SPAG16: variants seen among roughly 807,000 people sequenced by gnomAD.
The protein encoded by SPAG16 is sperm associated antigen 16.
Under a neutral mutation model 80.4 loss-of-function variants are expected in SPAG16, and 86 were observed. That is an observed-to-expected ratio of 1.07 (90% CI 0.90 to 1.28). The LOEUF is 1.28. Among genes scored for constraint, SPAG16 ranks in the 50% most tolerant of loss-of-function variants. The pLI is 0.00. For missense variants in SPAG16, 870 were observed against 765.3 expected (o/e 1.14, Z -1.61); for synonymous variants, 294 against 265.9 (o/e 1.11, Z -1.03).
chr2:213,884,624 G>A (rs1320626705), intron 11 of SPAG16, among the ~76,000 whole-genome samples: 1 of 152,064 alleles, frequency 6.6e-6, no homozygotes, highest in Non-Finnish European at 1.5e-5. Flanking sequence ...TCTCTCTCAG[G>A]AATGCCAATG....
intron 10 of SPAG16, among the ~76,000 whole-genome samples, chr2:213,587,787 A>G (rs1394439477): frequency 7.9e-5 from 12 of 152,208 alleles, no homozygotes; most frequent in Admixed American, 7.2e-4. Flanking sequence ...TAGTTCACTC[A>G]CAAGTTCTAC....
chr2:213,333,232 G>C (rs1005834109), intron 5 of SPAG16, among the ~76,000 whole-genome samples: 3 of 152,072 alleles, frequency 2.0e-5, no homozygotes, highest in Middle Eastern at 3.4e-3. Context: ...ATCTGAAAAA[G>C]AAATTAGAAA....
chr2:214,143,001 C>G (rs1263749898), intron 14 of SPAG16, among the ~76,000 whole-genome samples: 2 of 152,088 alleles, frequency 1.3e-5, no homozygotes, highest in Non-Finnish European at 2.9e-5. Context: ...GCATAGTATG[C>G]CTGTCATCCT....
In SPAG16 at chr2:214,177,898, TAC is replaced by T. The variant is rs1223156790; in HGVS notation, c.1720+28634_1720+28635del. Among the ~76,000 whole-genome samples the T allele has an allele frequency of 1.5e-4, 14 of 96,178 alleles. 1 individual carries two copies. Among genetic ancestry groups the T allele is most frequent in the African/African-American group, 7.2e-4 (13 of 18,172 alleles). The allele number at this position is 96,178 out of a possible 152,430, so 63.1% of individuals were successfully genotyped here. A position where few individuals can be genotyped will look rare whatever the true frequency, so the allele number is the denominator to read the frequency against. ...AAGTTAAAAAAGCAGAATATATATA[TAC>T]ATATATATATATATACATATATATA... On this transcript the variant is annotated intron_variant, in intron 15 of 15. Coordinates refer to ENST00000331683, the MANE Select transcript of SPAG16 (RefSeq NM_024532.5).
intron 9 of SPAG16, among the ~76,000 whole-genome samples, chr2:213,462,484 G>A (rs1213827414): frequency 6.6e-6 from 1 of 151,368 alleles, no homozygotes; most frequent in Non-Finnish European, 1.5e-5. Flanking sequence ...ACTAGACTGT[G>A]TCCCTACCCA....
intron 9 of SPAG16, among the ~76,000 whole-genome samples, chr2:213,384,476 T>C (rs1184775441): frequency 6.6e-6 from 1 of 152,090 alleles, no homozygotes; most frequent in African/African-American, 2.4e-5. Flanking sequence ...TCTAAGATGG[T>C]GGAGGGTGAG....
At chr2:213,742,661 C>T (rs1275419027) in intron 10 of SPAG16, among the ~76,000 whole-genome samples, 1 of 150,354 alleles carries the variant, frequency 6.7e-6, no homozygotes, top group Non-Finnish European at 1.5e-5. Context: ...AAGCAATTCT[C>T]CAGTCTCAGC....
At chr2:213,897,392 G>A (rs1457603864) in intron 11 of SPAG16, among the ~76,000 whole-genome samples, 1 of 152,068 alleles carries the variant, frequency 6.6e-6, no homozygotes, top group African/African-American at 2.4e-5. Flanking sequence ...TTATTGTGCA[G>A]ACTGGGTTTC....
chr2:214,259,465 A>G (rs1297560351), intron 15 of SPAG16, among the ~76,000 whole-genome samples: 1 of 139,430 alleles, frequency 7.2e-6, no homozygotes, highest in Admixed American at 8.1e-5. Flanking sequence ...GTACACACAC[A>G]CGTATAGCTT....
At chr2:214,041,626 C>G (rs1218573292) in intron 13 of SPAG16, among the ~76,000 whole-genome samples, 1 of 151,558 alleles carries the variant, frequency 6.6e-6, no homozygotes, top group Admixed American at 6.6e-5. Context: ...ATTTCTCTCT[C>G]GCTTCTTTTT....
At chr2:213,322,367 G>A (rs60978774) in intron 5 of SPAG16, among the ~76,000 whole-genome samples, 2,482 of 116,132 alleles carry the variant, frequency 0.021, 92 homozygotes, top group African/African-American at 0.073. Context: ...CAAAAAACTC[G>A]TTTGGGTGAT....
intron 15 of SPAG16, among the ~76,000 whole-genome samples, chr2:214,330,415 G>A (rs191547372): frequency 1.1e-3 from 160 of 152,242 alleles, no homozygotes; most frequent in Non-Finnish European, 1.5e-3. Context: ...GAAAATGAAA[G>A]GGCACTGTTT....
intron 15 of SPAG16, among the ~76,000 whole-genome samples, chr2:214,378,262 T>TATC (rs1700246588): frequency 6.6e-6 from 1 of 152,178 alleles, no homozygotes; most frequent in African/African-American, 2.4e-5. Context: ...GAAACTAATA[T>TATC]ATCAGGCAAA....
At chr2:213,956,119 C>A (rs1257882484) in intron 12 of SPAG16, among the ~76,000 whole-genome samples, 3 of 151,700 alleles carry the variant, frequency 2.0e-5, no homozygotes, top group African/African-American at 7.3e-5. Context: ...CCATGCCTGG[C>A]TAATTTTTGT....
intron 15 of SPAG16, among the ~76,000 whole-genome samples, chr2:214,160,371 T>C (rs2125600054): frequency 6.6e-6 from 1 of 152,060 alleles, no homozygotes; most frequent in South Asian, 2.1e-4. Flanking sequence ...TTTTTCCTTA[T>C]CCAAATTTGG....
intron 15 of SPAG16, among the ~76,000 whole-genome samples, chr2:214,173,955 A>C (rs2056977374): frequency 6.6e-6 from 1 of 151,982 alleles, no homozygotes; most frequent in Non-Finnish European, 1.5e-5. Flanking sequence ...CAGCATATAA[A>C]CAGAACCAAA....
At chr2:213,306,945 T>C (rs1466252031) in intron 3 of SPAG16, among the ~76,000 whole-genome samples, 1 of 152,228 alleles carries the variant, frequency 6.6e-6, no homozygotes, top group Non-Finnish European at 1.5e-5. Context: ...TTGGTTCTTA[T>C]GAAGTTGCCT....
chr2:213,444,049 A>G (rs2071148580), intron 9 of SPAG16, among the ~76,000 whole-genome samples: 1 of 152,210 alleles, frequency 6.6e-6, no homozygotes. Flanking sequence ...GAGGAGTGTG[A>G]ATAGATCCCC....
At chr2:213,342,348 ATG>A (rs148316869) in intron 6 of SPAG16, among the ~76,000 whole-genome samples, 1 of 56,926 alleles carries the variant, frequency 1.8e-5, no homozygotes, top group Non-Finnish European at 3.4e-5. Context: ...TATTACATAT[ATG>A]TATATATATA....
Sources: gnomAD v4.1 joint callset for allele counts (sites outside exome capture counted in the v4.1 genomes callset) on GRCh38, gnomAD v4.1.1 for gene constraint, MANE v1.5 for transcripts, NCBI Gene and HGNC (gene_info 2026-07-23, HGNC 2026-07-21) for gene names.